Variants in GALNT16 observed in about 807,000 individuals in gnomAD.
GALNT16 encodes UDP-GalNAc:polypeptide N-acetylgalactosaminyltransferase-like protein 1.
Under a neutral mutation model 76.1 loss-of-function variants are expected in GALNT16, and 40 were observed. The ratio of observed to expected loss-of-function variants is 0.53; its 90% CI spans 0.41 to 0.68. GALNT16 has a LOEUF of 0.68. GALNT16 is among the 30% of genes least tolerant of loss of function. The pLI, the probability that GALNT16 is intolerant of heterozygous loss-of-function variation, is 0.00. For synonymous variants in GALNT16, 276 were observed against 285.2 expected (o/e 0.97, Z 0.32); for missense variants, 621 against 731.9 (o/e 0.85, Z 1.75).
At chr14:69,292,718 C>A (rs1020610510) in intron 1 of GALNT16, among the ~76,000 whole-genome samples, 7 of 152,226 alleles carry the variant, frequency 4.6e-5, no homozygotes, top group Non-Finnish European at 1.0e-4. Flanking sequence ...ACTTAAAGCA[C>A]CTCATCTTTT....
At chr14:69,305,736 G>A (rs2044923512) in intron 1 of GALNT16, among the ~76,000 whole-genome samples, 1 of 152,084 alleles carries the variant, frequency 6.6e-6, no homozygotes, top group Admixed American at 6.6e-5. Context: ...TCTGTTGATT[G>A]TGTCCGTTGC....
the GALNT16 span, among the ~76,000 whole-genome samples, chr14:69,382,663 C>A: frequency 0.12 from 18,455 of 150,040 alleles, 1,357 homozygotes; most frequent in Middle Eastern, 0.24. Context: ...GAAACCCCGT[C>A]TCCACCAAAA....
rs199936468 is a variant in GALNT16, at chr14:69,328,452, C to T, written c.571C>T (p.Leu191=). Residue 191 remains leucine, a splice_region_variant and synonymous_variant, in exon 6 of 15, where the codon CTG becomes TTG. Coordinates refer to ENST00000448469, the MANE Select transcript of GALNT16 (RefSeq NM_001168368.2). The part of the protein sequence containing the change: ...KCLRNDRREG[L]IRSRVRGADV... ...AGCCCTATCTACTCCTCTTGTAGGG[C>T]TGATCCGGTCCCGAGTGCGTGGGGC... 6.2e-7 allele frequency: 1 copy of T among 1,613,864 alleles called. No individual in the cohort carries two copies. Among genetic ancestry groups the T allele is most frequent in the Non-Finnish European group, 8.5e-7 (1 of 1,179,858 alleles).
At chr14:69,319,615 G>T (rs988590624) in intron 1 of GALNT16, among the ~76,000 whole-genome samples, 2 of 152,216 alleles carry the variant, frequency 1.3e-5, no homozygotes, top group African/African-American at 4.8e-5. Flanking sequence ...AGATGTCAGG[G>T]TGCTTGCATC....
intron 1 of GALNT16, among the ~76,000 whole-genome samples, chr14:69,304,312 C>T (rs1289674710): frequency 6.6e-6 from 1 of 152,106 alleles, no homozygotes. Context: ...GAGTTCAGTC[C>T]AGGTTCTATT....
At position 69,289,281 on chromosome 14, in the gene GALNT16, C is replaced by T. The variant is rs112089150; in HGVS notation, c.177+28814C>T. ...TCCATGTGGAAGTCATTATGTAACACTTGAACTTGTATGAGGCCCAGTGAA... is the reference window on the plus strand; with the variant it reads ...TCCATGTGGAAGTCATTATGTAACATTTGAACTTGTATGAGGCCCAGTGAA... On this transcript the variant is annotated intron_variant, in intron 1 of 14. Coordinates refer to ENST00000448469, the MANE Select transcript of GALNT16 (RefSeq NM_001168368.2). 1.3e-3 allele frequency among the ~76,000 whole-genome samples: 197 copies of T among 152,256 alleles called. 1 individual carries two copies. Among genetic ancestry groups the T allele is most frequent in the Admixed American group, 2.8e-3 (43 of 15,292 alleles).
At chr14:69,305,611 A>T (rs1442741975) in intron 1 of GALNT16, among the ~76,000 whole-genome samples, 2 of 151,844 alleles carry the variant, frequency 1.3e-5, no homozygotes, top group African/African-American at 2.4e-5. Context: ...TCAGGTTACT[A>T]GTTTTTTGTT....
At chr14:69,369,119 G>T in the GALNT16 span, among the ~76,000 whole-genome samples, 1 of 152,184 alleles carries the variant, frequency 6.6e-6, no homozygotes, top group Non-Finnish European at 1.5e-5. Context: ...TCACCCTGAG[G>T]TAGGAAGATC....
In GALNT16 at chr14:69,276,410, C is replaced by T. The variant is rs113398686; in HGVS notation, c.177+15943C>T. On this transcript the variant is annotated intron_variant, in intron 1 of 14. Coordinates refer to ENST00000448469, the MANE Select transcript of GALNT16 (RefSeq NM_001168368.2). ...AAGAAAGAAGCTTGGAGGCTGGGTG[C>T]GGTGGCGCACGCCTGTAATCCCAGC... Among the ~76,000 whole-genome samples, 1,135 of 152,130 alleles carry T rather than the reference C, an allele frequency of 7.5e-3. 12 individuals are homozygous for T. The highest frequency in any genetic ancestry group is 0.026 in the African/African-American group (1,084 of 41,516).
chr14:69,265,064 C>T (rs1319539663), intron 1 of GALNT16, among the ~76,000 whole-genome samples: 2 of 152,182 alleles, frequency 1.3e-5, no homozygotes, highest in Non-Finnish European at 2.9e-5. Context: ...GATCCTCCCA[C>T]CTTGGCCTCC....
At chr14:69,379,819 T>C in the GALNT16 span, among the ~76,000 whole-genome samples, 1 of 152,144 alleles carries the variant, frequency 6.6e-6, no homozygotes, top group Admixed American at 6.5e-5. Context: ...CTTCATCTGA[T>C]CAACACTAAG....
At chr14:69,348,387 G>A in intron 14 of GALNT16, 1 of 401,630 alleles carries the variant, frequency 2.5e-6, no homozygotes, top group South Asian at 4.6e-5. Context: ...CAGTGACGTG[G>A]GTTCTAGTAC....
At chr14:69,300,370 T>C (rs183976007) in intron 1 of GALNT16, among the ~76,000 whole-genome samples, 109 of 152,302 alleles carry the variant, frequency 7.2e-4, no homozygotes, top group Non-Finnish European at 4.1e-4. Context: ...ACTGGGGTGA[T>C]GCCACTCCTG....
intron 6 of GALNT16, among the ~76,000 whole-genome samples, chr14:69,331,074 G>A (rs1287273920): frequency 6.6e-6 from 1 of 152,198 alleles, no homozygotes; most frequent in Non-Finnish European, 1.5e-5. Context: ...AAATAGAAGA[G>A]CCACTTCAGG....
intron 1 of GALNT16, among the ~76,000 whole-genome samples, chr14:69,281,652 C>A (rs542287464): frequency 6.6e-6 from 1 of 152,282 alleles, no homozygotes; most frequent in East Asian, 1.9e-4. Context: ...CAGCTGAACC[C>A]TCCACTCCTG....
chr14:69,373,131 C>A, the GALNT16 span, among the ~76,000 whole-genome samples: 1 of 152,200 alleles, frequency 6.6e-6, no homozygotes, highest in Admixed American at 6.5e-5. Flanking sequence ...GGAACAGACA[C>A]TAAAAGACTC....
the GALNT16 span, among the ~76,000 whole-genome samples, chr14:69,363,185 A>C: frequency 6.6e-6 from 1 of 152,216 alleles, no homozygotes; most frequent in African/African-American, 2.4e-5. Context: ...CTGCGGAGAC[A>C]GTCCTCGGCC....
Position 69,260,388 on chromosome 14 carries a change from C to T in GALNT16, c.98C>T (p.Ala33Val). Residue 33 changes from alanine to valine, a missense_variant, in exon 1 of 15, where the codon GCA (alanine) becomes GTA (valine). Transcript: ENST00000448469. ...TGGCAGGACAACCGAGCCCACGCAG[C>T]ATCCTCCGGCGGCCGGGGCGCGCAG... ...YLWQDNRAHAASSGGRGAQRA... is the reference protein window; with the variant it reads ...YLWQDNRAHAVSSGGRGAQRA... 6.2e-7 allele frequency: 1 copy of T among 1,609,016 alleles called. No individual in the cohort carries two copies. Among genetic ancestry groups the T allele is most frequent in the South Asian group, 1.1e-5 (1 of 90,404 alleles).
intron 1 of GALNT16, among the ~76,000 whole-genome samples, chr14:69,271,646 A>G (rs1432373281): frequency 6.6e-6 from 1 of 152,196 alleles, no homozygotes; most frequent in Non-Finnish European, 1.5e-5. Context: ...TGAATTTTTC[A>G]TTTTATTTGA....
Sources: gnomAD v4.1 joint callset for allele counts (sites outside exome capture counted in the v4.1 genomes callset) on GRCh38, gnomAD v4.1.1 for gene constraint, MANE v1.5 for transcripts, NCBI Gene and HGNC (gene_info 2026-07-23, HGNC 2026-07-21) for gene names.